Variants in EXOC6B observed in about 807,000 individuals in gnomAD.
EXOC6B encodes SEC15 homolog B.
EXOC6B carries 54 observed loss-of-function variants against 113.5 expected under a neutral mutation model. The observed-to-expected ratio is 0.48, with a 90% CI of 0.38 to 0.60. EXOC6B has a LOEUF of 0.60. Ranked by LOEUF, EXOC6B falls within the 20% of genes least tolerant of loss-of-function variation. EXOC6B has a pLI of 0.00. For synonymous variants in EXOC6B, 357 were observed against 339.0 expected (o/e 1.05, Z -0.58); for missense variants, 797 against 977.5 (o/e 0.82, Z 2.46).
chr2:72,780,092 A>C (rs1353522155), intron 1 of EXOC6B, among the ~76,000 whole-genome samples: 1 of 152,212 alleles, frequency 6.6e-6, no homozygotes, highest in Non-Finnish European at 1.5e-5. Context: ...ACTTGCAACC[A>C]AAGAGTCCCA....
At chr2:72,722,111 C>G (rs950444690) in intron 5 of EXOC6B, 4 of 150,830 alleles carry the variant, frequency 2.7e-5, no homozygotes, top group Non-Finnish European at 5.9e-5. Flanking sequence ...AGATATATAT[C>G]ACTGGAAACA....
intron 19 of EXOC6B, among the ~76,000 whole-genome samples, chr2:72,354,448 G>A (rs1405613156): frequency 2.6e-5 from 4 of 152,182 alleles, no homozygotes; most frequent in African/African-American, 9.7e-5. Flanking sequence ...AGAGCAGCAT[G>A]ATCCATCTCC....
chr2:72,811,957 G>C (rs577636306), intron 1 of EXOC6B, among the ~76,000 whole-genome samples: 1 of 152,254 alleles, frequency 6.6e-6, no homozygotes, highest in African/African-American at 2.4e-5. Context: ...AATGAGAAAA[G>C]ACTGAATGCT....
chr2:72,371,795 C>A (rs1239075847), intron 19 of EXOC6B, among the ~76,000 whole-genome samples: 1 of 152,074 alleles, frequency 6.6e-6, no homozygotes, highest in East Asian at 1.9e-4. Flanking sequence ...CTACTTTCAG[C>A]ATTGTTTTTC....
chr2:72,639,974 A>T (rs1434331328), intron 6 of EXOC6B, among the ~76,000 whole-genome samples: 1 of 152,232 alleles, frequency 6.6e-6, no homozygotes, highest in Admixed American at 6.5e-5. Context: ...TTTCCTCCAA[A>T]CAATGGCACC....
intron 19 of EXOC6B, among the ~76,000 whole-genome samples, chr2:72,365,991 T>C (rs757890995): frequency 2.3e-4 from 35 of 151,802 alleles, no homozygotes; most frequent in Admixed American, 4.6e-4. Context: ...GCAAACAAAA[T>C]ATAATATTAT....
intron 8 of EXOC6B, among the ~76,000 whole-genome samples, chr2:72,517,781 C>G (rs1248136488): frequency 6.6e-6 from 1 of 152,084 alleles, no homozygotes; most frequent in African/African-American, 2.4e-5. Context: ...CTAATTATAC[C>G]ACACTATACT....
chr2:72,820,596 G>T (rs1438081375), intron 1 of EXOC6B, among the ~76,000 whole-genome samples: 2 of 152,118 alleles, frequency 1.3e-5, no homozygotes, highest in Non-Finnish European at 2.9e-5. Flanking sequence ...AATACTAAAT[G>T]AAGGAAGTTA....
intron 18 of EXOC6B, among the ~76,000 whole-genome samples, chr2:72,439,894 A>T (rs76245330): frequency 6.6e-6 from 1 of 151,170 alleles, no homozygotes; most frequent in Non-Finnish European, 1.5e-5. Context: ...ACCTTTGGAT[A>T]TTTTTTTTTA....
At chr2:72,497,275 T>C (rs1287792544) in intron 13 of EXOC6B, among the ~76,000 whole-genome samples, 2 of 152,024 alleles carry the variant, frequency 1.3e-5, no homozygotes, top group East Asian at 1.9e-4. Flanking sequence ...ACCTGGCCCA[T>C]TGATAAGGTT....
At chr2:72,777,581 C>T (rs1683781900) in intron 1 of EXOC6B, among the ~76,000 whole-genome samples, 1 of 152,020 alleles carries the variant, frequency 6.6e-6, no homozygotes, top group Non-Finnish European at 1.5e-5. Context: ...GCAAGTCCCT[C>T]AGGCTGGAAA....
At chr2:72,592,469 T>G (rs1192458432) in intron 6 of EXOC6B, among the ~76,000 whole-genome samples, 1 of 152,202 alleles carries the variant, frequency 6.6e-6, no homozygotes, top group African/African-American at 2.4e-5. Context: ...GAACCCATAC[T>G]AAGCATGAAA....
At chr2:72,817,680 G>T (rs1686330635) in intron 1 of EXOC6B, among the ~76,000 whole-genome samples, 2 of 152,144 alleles carry the variant, frequency 1.3e-5, no homozygotes, top group African/African-American at 4.8e-5. Context: ...TCCCTTTATT[G>T]TTCCCTATCC....
intron 7 of EXOC6B, among the ~76,000 whole-genome samples, chr2:72,570,800 T>C (rs1573413662): frequency 6.6e-6 from 1 of 152,308 alleles, no homozygotes; most frequent in East Asian, 1.9e-4. Context: ...ATTTTTTTTG[T>C]TTATAGTAGA....
chr2:72,642,937 A>G (rs1394904399), intron 6 of EXOC6B, among the ~76,000 whole-genome samples: 3 of 149,370 alleles, frequency 2.0e-5, no homozygotes, highest in Admixed American at 6.7e-5. Flanking sequence ...AAACAACCCC[A>G]TCAAAAAGTG....
chr2:72,484,598 C>G (rs1046057407), intron 16 of EXOC6B, among the ~76,000 whole-genome samples: 4 of 151,802 alleles, frequency 2.6e-5, no homozygotes, highest in Admixed American at 2.6e-4. Context: ...ATTCCCTCCC[C>G]TCATCCCCAA....
intron 1 of EXOC6B, among the ~76,000 whole-genome samples, chr2:72,763,450 C>G (rs1242744976): frequency 1.4e-5 from 2 of 146,032 alleles, no homozygotes; most frequent in African/African-American, 2.5e-5. Flanking sequence ...TTTCTTTTGA[C>G]AGGGTCTTAC....
Position 72,718,133 on chromosome 2 carries a change from T to C in EXOC6B, c.639A>G (p.Ser213=), listed in dbSNP as rs367569433. Residue 213 remains serine, a synonymous_variant, in exon 6 of 22, where the codon TCA becomes TCG. Transcript: ENST00000272427. The part of the protein sequence containing the change: ...KDFLESIRKH[S]DKIGETAMKQ... Reference sequence around the variant, plus strand: ...TCATGGCAGTCTCTCCAATTTTGTCTGAATGTTTGCGGATGCTCTCCAGAA... The same window carrying C: ...TCATGGCAGTCTCTCCAATTTTGTCCGAATGTTTGCGGATGCTCTCCAGAA... The C allele has an allele frequency of 6.2e-7, 1 of 1,612,916 alleles. No homozygotes were observed. Among genetic ancestry groups the C allele is most frequent in the African/African-American group, 1.3e-5 (1 of 74,904 alleles).
chr2:72,591,478 T>C (rs919367325), intron 6 of EXOC6B, among the ~76,000 whole-genome samples: 7 of 152,124 alleles, frequency 4.6e-5, no homozygotes, highest in East Asian at 1.9e-4. Context: ...AAAGCAGCCT[T>C]TCTATAAGAA....
Sources: gnomAD v4.1 joint callset for allele counts (sites outside exome capture counted in the v4.1 genomes callset) on GRCh38, gnomAD v4.1.1 for gene constraint, MANE v1.5 for transcripts, NCBI Gene and HGNC (gene_info 2026-07-23, HGNC 2026-07-21) for gene names.